Variants in NDST3 observed in about 807,000 individuals in gnomAD.
The protein encoded by NDST3 is N-deacetylase and N-sulfotransferase 3.
NDST3 carries 58 observed loss-of-function variants against 96.1 expected under a neutral mutation model. The observed-to-expected ratio is 0.60, with a 90% CI of 0.49 to 0.75. The LOEUF (loss-of-function observed/expected upper bound fraction) is 0.75. Among genes scored for constraint, NDST3 ranks in the 30% least tolerant of loss-of-function variants. The pLI, the probability that NDST3 is intolerant of heterozygous loss-of-function variation, is 0.00. For synonymous variants in NDST3, 333 were observed against 359.7 expected, an observed-to-expected ratio of 0.93 and a Z score of 0.84; for missense variants, 788 against 1,034.2, an observed-to-expected ratio of 0.76 and a Z score of 3.27.
intron 12 of NDST3, among the ~76,000 whole-genome samples, chr4:118,245,970 T>A (rs1324897581): frequency 6.6e-6 from 1 of 152,156 alleles, no homozygotes; most frequent in Non-Finnish European, 1.5e-5. Context: ...AAGCTCTTCA[T>A]ATTGGCACAG....
intron 6 of NDST3, among the ~76,000 whole-genome samples, chr4:118,209,772 C>T (rs1045191800): frequency 6.6e-6 from 1 of 152,166 alleles, no homozygotes; most frequent in Admixed American, 6.5e-5. Context: ...CCTTTAAAGC[C>T]TATCAGATCC....
chr4:118,192,172 A>C (rs1578792429), intron 6 of NDST3, among the ~76,000 whole-genome samples: 1 of 152,170 alleles, frequency 6.6e-6, no homozygotes, highest in East Asian at 1.9e-4. Context: ...CTACTTATAC[A>C]TTCCGCTTAT....
At chr4:118,229,092 G>A (rs1027319969) in intron 8 of NDST3, among the ~76,000 whole-genome samples, 2 of 152,124 alleles carry the variant, frequency 1.3e-5, no homozygotes, top group Non-Finnish European at 2.9e-5. Context: ...CCTGAGGTCA[G>A]GAGTTCGACA....
intron 2 of NDST3, among the ~76,000 whole-genome samples, chr4:118,059,419 A>G (rs1311123523): frequency 1.3e-5 from 2 of 152,180 alleles, no homozygotes; most frequent in East Asian, 3.8e-4. Context: ...ATGAGTGGCT[A>G]TATCATTATT....
intron 1 of NDST3, among the ~76,000 whole-genome samples, chr4:118,052,354 C>A (rs1725128370): frequency 6.6e-6 from 1 of 151,856 alleles, no homozygotes; most frequent in Admixed American, 6.6e-5. Context: ...GACATATACA[C>A]AAGAACAATA....
rs768081947 is a variant in NDST3, at chr4:118,237,068, C to T, written c.1966C>T (p.Pro656Ser). The T allele has an allele frequency of 1.9e-6, 3 of 1,607,018 alleles. No homozygotes were observed. In the South Asian group the frequency reaches 3.3e-5, roughly 18 times the overall value. ...TAGGTATATGGATTTCTTCCCAGTCCCATCTAATGTCACTACCGACTTTTT... is the reference window on the plus strand; with the variant it reads ...TAGGTATATGGATTTCTTCCCAGTCTCATCTAATGTCACTACCGACTTTTT... Reference protein sequence around the residue: ...IDWYMDFFPVPSNVTTDFLFE... With the variant: ...IDWYMDFFPVSSNVTTDFLFE... Residue 656 changes from proline (P) to serine (S), a missense_variant, in exon 10 of 14, where the codon CCA becomes TCA. By Grantham distance (74) the Pro-to-Ser change is moderately conservative. Coordinates refer to ENST00000296499, the MANE Select transcript of NDST3 (RefSeq NM_004784.3).
chr4:118,111,393 T>C (rs1015675591), intron 3 of NDST3, among the ~76,000 whole-genome samples: 7 of 152,156 alleles, frequency 4.6e-5, no homozygotes, highest in Admixed American at 6.5e-5. Context: ...TTGAGGAATT[T>C]GACTTCTTGT....
rs560539888 is a variant in NDST3, at chr4:118,075,919, C to T, written c.981+21028C>T. On this transcript the variant is annotated intron_variant, in intron 2 of 13. Transcript: ENST00000296499. ...TTTAGTTTAATTAGATCCCATTTGT[C>T]TATTTTGGCTTTTGTTGCCATTGCT... Among the ~76,000 whole-genome samples the T allele has an allele frequency of 8.9e-4, 136 of 152,174 alleles. 2 individuals carry two copies. Among genetic ancestry groups the T allele is most frequent in the African/African-American group, 3.1e-3 (128 of 41,524 alleles).
chr4:118,159,880 A>G (rs1734973440), intron 6 of NDST3, among the ~76,000 whole-genome samples: 1 of 152,196 alleles, frequency 6.6e-6, no homozygotes, highest in Non-Finnish European at 1.5e-5. Flanking sequence ...AAAATAAAAT[A>G]AAACAAAATA....
chr4:118,214,091 G>C (rs1303987669), intron 6 of NDST3, among the ~76,000 whole-genome samples: 1 of 151,986 alleles, frequency 6.6e-6, no homozygotes, highest in African/African-American at 2.4e-5. Flanking sequence ...CAAAGAGGAA[G>C]TAGTCACCTC....
chr4:118,188,168 T>C (rs966266373), intron 6 of NDST3, among the ~76,000 whole-genome samples: 13 of 151,844 alleles, frequency 8.6e-5, no homozygotes, highest in Non-Finnish European at 1.8e-4. Context: ...GTAACAGAAA[T>C]GTACCTGAAG....
intron 2 of NDST3, chr4:118,055,151 T>A: frequency 2.1e-6 from 1 of 481,786 alleles, no homozygotes; most frequent in Non-Finnish European, 3.7e-6. Context: ...ACAACTAGAG[T>A]AGAAGTCATT....
intron 6 of NDST3, among the ~76,000 whole-genome samples, chr4:118,182,857 C>G (rs1736691754): frequency 6.6e-6 from 1 of 152,200 alleles, no homozygotes; most frequent in Non-Finnish European, 1.5e-5. Flanking sequence ...AATCCACCAG[C>G]CTGTCAGGCC....
chr4:118,049,187 C>A (rs1487812411), intron 1 of NDST3, among the ~76,000 whole-genome samples: 1 of 152,032 alleles, frequency 6.6e-6, no homozygotes, highest in African/African-American at 2.4e-5. Context: ...AAGGCAGGGA[C>A]ACAACTTACC....
chr4:118,213,280 A>G (rs1578823362), intron 6 of NDST3, among the ~76,000 whole-genome samples: 1 of 152,220 alleles, frequency 6.6e-6, no homozygotes, highest in East Asian at 1.9e-4. Context: ...TTCATGCCCC[A>G]GGTGAACAGG....
intron 6 of NDST3, among the ~76,000 whole-genome samples, chr4:118,145,352 T>C (rs1436967470): frequency 2.0e-5 from 3 of 152,218 alleles, no homozygotes; most frequent in Non-Finnish European, 2.9e-5. Flanking sequence ...ACTTTCATCA[T>C]AGAGCAACAG....
At chr4:118,211,483 C>T (rs1738794529) in intron 6 of NDST3, among the ~76,000 whole-genome samples, 1 of 152,178 alleles carries the variant, frequency 6.6e-6, no homozygotes, top group Non-Finnish European at 1.5e-5. Flanking sequence ...TTGCTAATCA[C>T]AGTAGCCTCA....
At chr4:118,084,731 CAAAT>C (rs1228661334) in intron 2 of NDST3, among the ~76,000 whole-genome samples, 1 of 152,126 alleles carries the variant, frequency 6.6e-6, no homozygotes, top group Non-Finnish European at 1.5e-5. Context: ...CTAACACAAA[CAAAT>C]AAAGGTTAAA....
At position 118,050,306 on chromosome 4, in the gene NDST3, T is replaced by A. The variant is rs1051334509; in HGVS notation, c.-155-3450T>A. The stretch of plus-strand genomic sequence containing the variant: ...AACAGGCAAAAGCTGGAACCACTAC[T>A]CTTGAGAACTGGAATGAGATAAGGA... On this transcript the variant is annotated intron_variant, in intron 1 of 13. Coordinates refer to ENST00000296499, the MANE Select transcript of NDST3 (RefSeq NM_004784.3). 5.3e-5 allele frequency among the ~76,000 whole-genome samples: 8 copies of A among 152,048 alleles called. No homozygotes were observed. The South Asian group carries it at 1.2e-3, about 24-fold the overall frequency.
Sources: gnomAD v4.1 joint callset for allele counts (sites outside exome capture counted in the v4.1 genomes callset) on GRCh38, gnomAD v4.1.1 for gene constraint, MANE v1.5 for transcripts, NCBI Gene and HGNC (gene_info 2026-07-23, HGNC 2026-07-21) for gene names.